SI: variants seen among roughly 807,000 people sequenced by gnomAD.
The protein encoded by SI is sucrase-isomaltase.
SI carries 235 observed loss-of-function variants against 253.3 expected under a neutral mutation model. The observed-to-expected ratio is 0.93, with a 90% confidence interval of 0.83 to 1.03. The LOEUF (loss-of-function observed/expected upper bound fraction) is 1.03. Ranked by LOEUF, SI falls within the 50% of genes least tolerant of loss-of-function variation. The pLI is 0.00. For synonymous variants in SI, 819 were observed against 712.0 expected, an observed-to-expected ratio of 1.15 and a Z score of -2.39; for missense variants, 2,442 against 2,211.1, an observed-to-expected ratio of 1.10 and a Z score of -2.09.
chr3:164,997,432 C>T (rs1449722967), intron 38 of SI, among the ~76,000 whole-genome samples: 3 of 145,160 alleles, frequency 2.1e-5, no homozygotes, highest in Admixed American at 6.8e-5. Context: ...AAATTTGGTT[C>T]GAAATGTTTC....
intron 13 of SI, among the ~76,000 whole-genome samples, chr3:165,054,970 A>T (rs940722571): frequency 2.0e-5 from 3 of 152,140 alleles, no homozygotes; most frequent in Non-Finnish European, 4.4e-5. Context: ...TATACAGTGT[A>T]TTGCTAAAAA....
Position 165,065,478 on chromosome 3 carries a change from T to TAG in SI, c.636-47_636-46insCT, listed in dbSNP as rs1714199552. The TAG allele has an allele frequency of 1.5e-5, 4 of 270,498 alleles. 1 individual carries two copies. The highest frequency in any genetic ancestry group is 1.9e-4 in the South Asian group (2 of 10,446). 16.8% of individuals were successfully genotyped at this position (270,498 alleles called of 1,614,324 possible). ...AGAAATAATCTAATATATATATATATATATATATATATATATGATATTCTA... is the reference window on the plus strand; with the variant it reads ...AGAAATAATCTAATATATATATATATAGATATATATATATATATGATATTCTA... On this transcript the variant is annotated intron_variant, in intron 6 of 47. Transcript: ENST00000264382.
At chr3:165,017,180 G>T (rs1333159958) in intron 31 of SI, among the ~76,000 whole-genome samples, 1 of 151,738 alleles carries the variant, frequency 6.6e-6, no homozygotes, top group African/African-American at 2.4e-5. Context: ...CTTGTTCTCT[G>T]GTTGATGATA....
At chr3:165,049,900 A>C (rs750958565) in intron 13 of SI, 25 bp from the exon 14 acceptor site, 1 of 1,374,000 alleles carries the variant, frequency 7.3e-7, no homozygotes, top group African/African-American at 1.4e-5. Context: ...AATGAAGAAC[A>C]GCAGATTTTA....
intron 15 of SI, among the ~76,000 whole-genome samples, chr3:165,048,356 G>C (rs1713235762): frequency 1.3e-5 from 2 of 151,336 alleles, no homozygotes. Flanking sequence ...TAGTTAGAAG[G>C]ATATTAATTA....
intron 12 of SI, 89 bp from the exon 13 acceptor site, chr3:165,055,396 A>G (rs1409024947): frequency 1.3e-6 from 1 of 752,934 alleles, no homozygotes; most frequent in Non-Finnish European, 2.2e-6. Flanking sequence ...GAATAGTAAA[A>G]AAAAATAAAG....
chr3:165,028,748 A>C (rs2108198441), intron 25 of SI, among the ~76,000 whole-genome samples: 1 of 151,404 alleles, frequency 6.6e-6, no homozygotes, highest in Middle Eastern at 3.4e-3. Flanking sequence ...GCAGGAGAAT[A>C]AAACTAGATT....
intron 1 of SI, 51 bp from the exon 2 acceptor site, chr3:165,076,063 T>A (rs1039241239): frequency 8.1e-7 from 1 of 1,232,652 alleles, no homozygotes; most frequent in Admixed American, 2.2e-5. Context: ...ATAACTATAA[T>A]AAACCACCAA....
At position 165,043,186 on chromosome 3, in the gene SI, A is replaced by G; in HGVS notation, c.1888-11T>C. On this transcript the variant is annotated splice_polypyrimidine_tract_variant and intron_variant, in intron 16 of 47. Transcript: ENST00000264382. ...GATGTCTGCTCCAACCTAAATAACA[A>G]ATATATTTACTATTTATAATGTTAA... 1 of 1,547,844 alleles carries G rather than the reference A, an allele frequency of 6.5e-7. No individual in the cohort carries two copies.
chr3:165,065,033 T>C (rs1031146639), intron 7 of SI, among the ~76,000 whole-genome samples: 1 of 151,884 alleles, frequency 6.6e-6, no homozygotes, highest in African/African-American at 2.4e-5. Flanking sequence ...AATAAAACAT[T>C]TTTAAACTGG....
At chr3:165,047,555 T>A (rs928693934) in intron 15 of SI, among the ~76,000 whole-genome samples, 2 of 152,062 alleles carry the variant, frequency 1.3e-5, no homozygotes, top group Admixed American at 1.3e-4. Context: ...TATTTAAATA[T>A]ATTCTGGTAA....
intron 40 of SI, among the ~76,000 whole-genome samples, chr3:164,995,657 T>C (rs76158672): frequency 0.052 from 7,855 of 151,788 alleles, 683 homozygotes; most frequent in African/African-American, 0.18. Context: ...TCCATACGTT[T>C]ATATTGGTTA....
chr3:164,997,402 A>G (rs75046058), intron 38 of SI, among the ~76,000 whole-genome samples: 1 of 150,404 alleles, frequency 6.6e-6, no homozygotes, highest in Non-Finnish European at 1.5e-5. Flanking sequence ...TTATTCTACT[A>G]TTGTCACAAA....
At chr3:165,054,736 C>A (rs886505058) in intron 13 of SI, among the ~76,000 whole-genome samples, 2 of 152,022 alleles carry the variant, frequency 1.3e-5, no homozygotes, top group Non-Finnish European at 2.9e-5. Context: ...TAACCTATTG[C>A]CAATTTTTAT....
intron 25 of SI, among the ~76,000 whole-genome samples, chr3:165,028,810 A>G (rs1462786494): frequency 6.6e-6 from 1 of 151,534 alleles, no homozygotes; most frequent in Non-Finnish European, 1.5e-5. Context: ...AAGGACTTAA[A>G]TCTAAGACCA....
chr3:165,061,908 C>A (rs953500060), intron 9 of SI, among the ~76,000 whole-genome samples: 4 of 151,816 alleles, frequency 2.6e-5, no homozygotes, highest in African/African-American at 9.7e-5. Flanking sequence ...GGATAAGAGC[C>A]AATTTTCCTG....
intron 24 of SI, 72 bp downstream of exon 24, chr3:165,032,450 T>C: frequency 1.0e-6 from 1 of 1,001,964 alleles, no homozygotes; most frequent in East Asian, 2.6e-5. Flanking sequence ...ATAGGATAAG[T>C]GCCTGAATGG....
rs529624508 is a variant in SI, at chr3:165,049,684, A to G, written c.1597+107T>C. ...ATAAACAAATTGATTTTATGGTTTT[A>G]GAACTATACCAAAAATTGTAATTTA... On this transcript the variant is annotated intron_variant, in intron 14 of 47. Coordinates refer to ENST00000264382, the MANE Select transcript of SI (RefSeq NM_001041.4). The G allele has an allele frequency of 1.4e-4, 96 of 704,058 alleles. No individual in the cohort carries two copies. In the East Asian group the frequency reaches 2.6e-3, roughly 19 times the overall value. The allele number at this position is 704,058 out of a possible 1,614,324, so 43.6% of individuals were successfully genotyped here. A position where few individuals can be genotyped will look rare whatever the true frequency, so the allele number is the denominator to read the frequency against.
At chr3:165,088,459 A>G in the SI span, among the ~76,000 whole-genome samples, 5 of 152,192 alleles carry the variant, frequency 3.3e-5, 1 homozygote, top group East Asian at 7.8e-4. Flanking sequence ...CCTGGCCAAT[A>G]TGGTGAAACC....
Sources: allele counts gnomAD v4.1 joint callset (sites outside exome capture counted in the v4.1 genomes callset), GRCh38; gene constraint gnomAD v4.1.1; transcripts MANE v1.5; gene names NCBI Gene and HGNC (gene_info 2026-07-23, HGNC 2026-07-21).